Variants in CADPS observed in about 807,000 individuals in gnomAD.
CADPS encodes the protein calcium-dependent secretion activator 1.
In CADPS, 57 loss-of-function variants were observed where a neutral mutation model predicts 167.3. The observed-to-expected ratio is 0.34, with a 90% CI of 0.28 to 0.42. The LOEUF (loss-of-function observed/expected upper bound fraction) is 0.42, where lower values mean the gene tolerates loss of function less well. Among genes scored for constraint, CADPS ranks in the 20% least tolerant of loss-of-function variants. The pLI is 1.00. For missense variants in CADPS, 1,414 were observed against 1,738.1 expected, an observed-to-expected ratio of 0.81 and a Z score of 3.32; for synonymous variants, 676 against 635.3, an observed-to-expected ratio of 1.06 and a Z score of -0.96.
chr3:62,419,673 C>T (rs2050898097), intron 28 of CADPS, among the ~76,000 whole-genome samples: 1 of 152,102 alleles, frequency 6.6e-6, no homozygotes, highest in Admixed American at 6.5e-5. Context: ...AGCATCTGCC[C>T]ACTCCCCTGA....
At chr3:62,802,140 A>G (rs2093805450) in intron 1 of CADPS, among the ~76,000 whole-genome samples, 1 of 152,176 alleles carries the variant, frequency 6.6e-6, no homozygotes, top group African/African-American at 2.4e-5. Flanking sequence ...GCCACAGGAC[A>G]CATAAGGCCA....
intron 18 of CADPS, among the ~76,000 whole-genome samples, chr3:62,496,786 C>T (rs930137927): frequency 2.6e-5 from 4 of 152,158 alleles, no homozygotes; most frequent in Non-Finnish European, 5.9e-5. Context: ...ACAGGCTGTC[C>T]TATGCCTAGT....
intron 1 of CADPS, among the ~76,000 whole-genome samples, chr3:62,846,924 T>G (rs1203875477): frequency 6.6e-6 from 1 of 152,172 alleles, no homozygotes; most frequent in Non-Finnish European, 1.5e-5. Context: ...TGCCTCGGCC[T>G]CCCAAAGTGC....
intron 1 of CADPS, chr3:62,779,557 G>T (rs1194860044): frequency 9.4e-6 from 5 of 532,702 alleles, no homozygotes; most frequent in Admixed American, 2.0e-5. Context: ...TCTGCCCTCT[G>T]CCAGGCTTAT....
rs1314410444 is a variant in CADPS, at chr3:62,421,408, G to A, written c.3777+16696C>T. ...ATGGAGTGTCTTTTGGGACCAATTT[G>A]TCTCTTTTCACTCTTTATTCTTCCC... On this transcript the variant is annotated intron_variant, in intron 28 of 29. Transcript: ENST00000383710. The surrounding 1 kb of genome is among the most constrained non-coding windows in gnomAD (Gnocchi z 4.7). Among the ~76,000 whole-genome samples the A allele has an allele frequency of 2.6e-5, 4 of 152,200 alleles. No individual in the cohort carries two copies. Among genetic ancestry groups the A allele is most frequent in the African/African-American group, 9.7e-5 (4 of 41,448 alleles).
chr3:62,506,139 C>A (rs1973022), intron 17 of CADPS, among the ~76,000 whole-genome samples: 1 of 152,062 alleles, frequency 6.6e-6, no homozygotes, highest in Non-Finnish European at 1.5e-5. Flanking sequence ...CCTGTAATCC[C>A]GGCACTTTGG....
intron 1 of CADPS, among the ~76,000 whole-genome samples, chr3:62,770,873 C>G (rs992497753): frequency 6.6e-6 from 1 of 152,196 alleles, no homozygotes; most frequent in Non-Finnish European, 1.5e-5. Context: ...CTTCTATTAT[C>G]ACAGATGAGT....
At chr3:62,742,688 G>C (rs1420645501) in intron 3 of CADPS, among the ~76,000 whole-genome samples, 1 of 152,094 alleles carries the variant, frequency 6.6e-6, no homozygotes. Context: ...AGACAACCTA[G>C]GCAATACCAT....
intron 3 of CADPS, among the ~76,000 whole-genome samples, chr3:62,709,554 A>G (rs764336558): frequency 3.9e-4 from 60 of 152,182 alleles, no homozygotes; most frequent in Non-Finnish European, 6.8e-4. Flanking sequence ...TACCTTCAGT[A>G]GCTATTTGTT....
intron 12 of CADPS, among the ~76,000 whole-genome samples, chr3:62,534,968 T>A (rs1236899001): frequency 6.6e-6 from 1 of 152,116 alleles, no homozygotes; most frequent in African/African-American, 2.4e-5. Flanking sequence ...AGAGCATTTA[T>A]AAACTCTCCT....
rs565330643 is a variant in CADPS, at chr3:62,644,998, C to A, written c.1325+724G>T. ...CCACCATACAATAATACCTTGTACA[C>A]ACACATTTGACTAAATTGTATTGAC... On this transcript the variant is annotated intron_variant, in intron 6 of 29. Coordinates refer to ENST00000383710, the MANE Select transcript of CADPS (RefSeq NM_003716.4). Among the ~76,000 whole-genome samples the A allele has an allele frequency of 1.2e-4, 18 of 152,292 alleles. No homozygotes were observed. The East Asian group carries it at 1.7e-3, about 15-fold the overall frequency.
In CADPS at chr3:62,508,567, C is replaced by T. The variant is rs1017107431; in HGVS notation, c.2599+4184G>A. Among the ~76,000 whole-genome samples the T allele has an allele frequency of 2.6e-5, 4 of 152,110 alleles. No individual in the cohort carries two copies. The East Asian group carries it at 5.8e-4, about 22-fold the overall frequency. ...TATTTCATTGAAGTAAGAGGCACAT[C>T]GTAACATTTCTGAAATCCGGATGCA... On this transcript the variant is annotated intron_variant, in intron 17 of 29. Transcript: ENST00000383710.
chr3:62,793,006 A>G (rs771691896), intron 1 of CADPS, among the ~76,000 whole-genome samples: 39 of 152,276 alleles, frequency 2.6e-4, no homozygotes, highest in Admixed American at 3.9e-4. Context: ...GCACATTTTA[A>G]ATCTTTTCTG....
At chr3:62,808,589 T>A (rs1053297345) in intron 1 of CADPS, among the ~76,000 whole-genome samples, 1 of 152,178 alleles carries the variant, frequency 6.6e-6, no homozygotes, top group African/African-American at 2.4e-5. Flanking sequence ...TCTGACTCCC[T>A]GACCTTCCTT....
intron 2 of CADPS, among the ~76,000 whole-genome samples, chr3:62,755,263 G>C (rs2152431556): frequency 6.6e-6 from 1 of 152,242 alleles, no homozygotes; most frequent in East Asian, 1.9e-4. Flanking sequence ...GTCTGCTGGT[G>C]CTACCTGGTT....
At chr3:62,556,930 A>G (rs1240192077) in intron 10 of CADPS, among the ~76,000 whole-genome samples, 1 of 151,240 alleles carries the variant, frequency 6.6e-6, no homozygotes, top group East Asian at 2.0e-4. Flanking sequence ...GGGAAAATGG[A>G]TATATTGGGC....
At chr3:62,844,324 A>C (rs191125578) in intron 1 of CADPS, among the ~76,000 whole-genome samples, 6 of 152,322 alleles carry the variant, frequency 3.9e-5, no homozygotes, top group Admixed American at 3.3e-4. Context: ...CAGTAAAACC[A>C]TCTGGTTGAG....
intron 3 of CADPS, among the ~76,000 whole-genome samples, chr3:62,679,547 T>C (rs4550820): frequency 0.17 from 25,243 of 151,990 alleles, 2,278 homozygotes; most frequent in Middle Eastern, 0.22. Flanking sequence ...AACTCATCCA[T>C]GTCTCTCATG....
intron 1 of CADPS, among the ~76,000 whole-genome samples, chr3:62,781,318 G>A (rs1418729322): frequency 6.6e-6 from 1 of 152,136 alleles, no homozygotes; most frequent in Non-Finnish European, 1.5e-5. Flanking sequence ...TCTACTAGCA[G>A]GAAGAACTTG....
Sources: allele counts gnomAD v4.1 joint callset (sites outside exome capture counted in the v4.1 genomes callset), GRCh38; gene constraint gnomAD v4.1.1; non-coding constraint Gnocchi (gnomAD v3.1); transcripts MANE v1.5; gene names NCBI Gene and HGNC (gene_info 2026-07-23, HGNC 2026-07-21).